Variants in COL16A1 observed in about 807,000 individuals in gnomAD.
The protein encoded by COL16A1 is collagen alpha-1(XVI) chain.
Under a neutral mutation model 266.3 loss-of-function variants are expected in COL16A1, and 189 were observed. The observed-to-expected ratio is 0.71, with a 90% confidence interval of 0.63 to 0.80. The LOEUF (loss-of-function observed/expected upper bound fraction) is 0.80, where lower values mean the gene tolerates loss of function less well. COL16A1 is among the 30% of genes least tolerant of loss of function. The pLI, the probability that COL16A1 is intolerant of heterozygous loss-of-function variation, is 0.00. For synonymous variants in COL16A1, 740 were observed against 782.3 expected (o/e 0.95, Z 0.90); for missense variants, 1,928 against 2,122.4 (o/e 0.91, Z 1.80).
chr1:31,682,215 A>G (rs919214369), intron 37 of COL16A1, among the ~76,000 whole-genome samples: 4 of 152,110 alleles, frequency 2.6e-5, no homozygotes, highest in Non-Finnish European at 5.9e-5. Flanking sequence ...GAGAAAATGC[A>G]CTTATGATTA....
Position 31,697,185 on chromosome 1 carries a change from G to A in COL16A1, c.738+35C>T, listed in dbSNP as rs760953777. On this transcript the variant is annotated intron_variant, in intron 7 of 70. Transcript: ENST00000373672. The surrounding 1 kb of genome is among the most constrained non-coding windows in gnomAD (Gnocchi z 4.2). The stretch of plus-strand genomic sequence containing the variant: ...TCCAGACCCTCATCTCCAGCACAGT[G>A]TGTCCCTGGGCAGCCCAAGGGCCGG... 1.2e-5 allele frequency: 20 copies of A among 1,613,186 alleles called. No individual in the cohort carries two copies. Among genetic ancestry groups the A allele is most frequent in the East Asian group, 2.2e-5 (1 of 44,872 alleles).
chr1:31,662,659 C>G lies in COL16A1; in HGVS notation c.3556-1G>C. 6.5e-7 allele frequency: 1 copy of G among 1,543,842 alleles called. No homozygotes were observed. The highest frequency in any genetic ancestry group is 8.7e-7 in the Non-Finnish European group (1 of 1,144,146). ...ATGGGCCTCGAATCCCTTCGCTGCC[C>G]TGGAAACCAGCGCCGCCCCCCCCCC... On this transcript the variant is annotated splice_acceptor_variant, in intron 56 of 70. Transcript: ENST00000373672. LOFTEE classifies it high-confidence loss of function.
At chr1:31,700,237 T>A (rs1644676491) in intron 2 of COL16A1, 122 bp from the exon 3 acceptor site, 1 of 892,664 alleles carries the variant, frequency 1.1e-6, no homozygotes, top group Non-Finnish European at 1.8e-6. Context: ...ATCAGCTAGA[T>A]CCTGCCTTCA....
At position 31,672,651 on chromosome 1, in the gene COL16A1, T is replaced by A; in HGVS notation, c.2977-14A>T. On this transcript the variant is annotated splice_polypyrimidine_tract_variant and intron_variant, in intron 45 of 70. Coordinates refer to ENST00000373672, the MANE Select transcript of COL16A1 (RefSeq NM_001856.4). The stretch of plus-strand genomic sequence containing the variant: ...TGACAAAAAGCACTGCAAGGGACAA[T>A]GAGAGGCACATTGTCTGATGAGGCA... 1 of 1,605,586 alleles carries A rather than the reference T, an allele frequency of 6.2e-7. No individual in the cohort carries two copies. Among genetic ancestry groups the A allele is most frequent in the Non-Finnish European group, 8.5e-7 (1 of 1,175,118 alleles).
chr1:31,660,443 C>G, intron 62 of COL16A1, 142 bp downstream of exon 62: 1 of 1,075,134 alleles, frequency 9.3e-7, no homozygotes, highest in Non-Finnish European at 1.3e-6. Flanking sequence ...CTGGAAACCA[C>G]AGAAGGAGTG....
rs1182118048 is a variant in COL16A1 at position 31,653,685 on chromosome 1, A to C, written c.4535-9T>G. 1.2e-6 allele frequency: 2 copies of C among 1,611,748 alleles called. No homozygotes were observed. The highest frequency in any genetic ancestry group is 4.5e-5 in the East Asian group (2 of 44,862). On this transcript the variant is annotated splice_polypyrimidine_tract_variant and intron_variant, in intron 69 of 70. Coordinates refer to ENST00000373672, the MANE Select transcript of COL16A1 (RefSeq NM_001856.4). ...TTTGGTACCAGGCAATCCTGGAACAAAAGAAATAAATAAGTCCTATCCCTG... is the reference window on the plus strand; with the variant it reads ...TTTGGTACCAGGCAATCCTGGAACACAAGAAATAAATAAGTCCTATCCCTG...
At position 31,656,377 on chromosome 1, in the gene COL16A1, A is replaced by C. The variant is rs1641148292; in HGVS notation, c.4101+23T>G. 3.1e-6 allele frequency: 5 copies of C among 1,613,052 alleles called. No individual in the cohort carries two copies. The highest frequency in any genetic ancestry group is 4.2e-6 in the Non-Finnish European group (5 of 1,179,660). On this transcript the variant is annotated intron_variant, in intron 66 of 70. Coordinates refer to ENST00000373672, the MANE Select transcript of COL16A1 (RefSeq NM_001856.4). This position sits in a 1 kb window ranked among gnomAD's most constrained non-coding sequence, Gnocchi z 4.2. ...CATCCACTCGTGAGCTTCTCCTCTC[A>C]AGCCCAGCCAGTGCCCACTCACCTT... is the stretch of plus-strand genomic sequence containing the variant.
At position 31,652,969 on chromosome 1, in the gene COL16A1, A is replaced by G; in HGVS notation, c.4613-116T>C. Reference sequence around the variant, plus strand: ...TGATGACTGTTTCTCAAGTTACCACATGTTTTCATGAAGACCTAGTCTGAT... The same window carrying G: ...TGATGACTGTTTCTCAAGTTACCACGTGTTTTCATGAAGACCTAGTCTGAT... On this transcript the variant is annotated intron_variant, in intron 70 of 70. Coordinates refer to ENST00000373672, the MANE Select transcript of COL16A1 (RefSeq NM_001856.4). This position sits in a 1 kb window ranked among gnomAD's most constrained non-coding sequence, Gnocchi z 4.8. The G allele has an allele frequency of 9.2e-7, 1 of 1,082,818 alleles. No individual in the cohort carries two copies. Among genetic ancestry groups the G allele is most frequent in the South Asian group, 2.5e-5 (1 of 40,080 alleles). The allele number at this position is 1,082,818 out of a possible 1,614,324, so 67.1% of individuals were successfully genotyped here.
In COL16A1 at chr1:31,662,673, C is replaced by CGGGGG; in HGVS notation, c.3556-16_3556-15insCCCCC. 5 of 1,174,516 alleles carry CGGGGG rather than the reference C, an allele frequency of 4.3e-6. No individual in the cohort carries two copies. Among genetic ancestry groups the CGGGGG allele is most frequent in the Non-Finnish European group, 6.0e-6 (5 of 836,264 alleles). 72.8% of individuals were successfully genotyped at this position (1,174,516 alleles called of 1,614,324 possible). On this transcript the variant is annotated splice_polypyrimidine_tract_variant and intron_variant, in intron 56 of 70. Coordinates refer to ENST00000373672, the MANE Select transcript of COL16A1 (RefSeq NM_001856.4). ...CCTTCGCTGCCCTGGAAACCAGCGCCGCCCCCCCCCCCCGCCCCACAATAA... is the reference window on the plus strand; with the variant it reads ...CCTTCGCTGCCCTGGAAACCAGCGCCGGGGGGCCCCCCCCCCCCGCCCCACAATAA...
chr1:31,701,504 G>A (rs1644723394), intron 2 of COL16A1: 10 of 985,274 alleles, frequency 1.0e-5, no homozygotes, highest in South Asian at 9.4e-5. Context: ...TGAGCCCAGA[G>A]GGCACCCAGC....
At chr1:31,654,972 T>C (rs1009086132) in intron 67 of COL16A1, 114 bp from the exon 68 acceptor site, 2 of 69,556 alleles carry the variant, frequency 2.9e-5, no homozygotes, top group Non-Finnish European at 5.1e-5. Flanking sequence ...CCACAGATTC[T>C]TTTTTTTTTT....
rs1341005987 is a variant in COL16A1 at position 31,670,875 on chromosome 1, A to G, written c.3151-229T>C. ...TGACGGAGATGCGGAATGGCTCCAG[A>G]GTCAGAGGGCTTCCTGAGTCTTCCG... On this transcript the variant is annotated intron_variant, in intron 48 of 70. Coordinates refer to ENST00000373672, the MANE Select transcript of COL16A1 (RefSeq NM_001856.4). The surrounding 1 kb of genome is among the most constrained non-coding windows in gnomAD (Gnocchi z 4.5). 6.6e-6 allele frequency among the ~76,000 whole-genome samples: 1 copy of G among 152,210 alleles called. No homozygotes were observed.
At chr1:31,676,753 G>T (rs4949459) in intron 42 of COL16A1, among the ~76,000 whole-genome samples, 65,949 of 152,112 alleles carry the variant, frequency 0.43, 15,940 homozygotes, top group South Asian at 0.59. Flanking sequence ...TGGAGGCAGG[G>T]AGTATGTTCC....
intron 37 of COL16A1, among the ~76,000 whole-genome samples, chr1:31,682,588 T>C (rs904614124): frequency 9.2e-5 from 14 of 152,124 alleles, no homozygotes; most frequent in Non-Finnish European, 2.1e-4. Context: ...CAGGCCTAGG[T>C]TGAAGTCCCT....
intron 20 of COL16A1, 48 bp downstream of exon 20, chr1:31,691,140 T>G (rs781337281): frequency 6.3e-7 from 1 of 1,597,582 alleles, no homozygotes; most frequent in Non-Finnish European, 8.5e-7. Context: ...TCTCTCCTCC[T>G]GTCAAGCATG....
chr1:31,660,758 G>A (rs1277292485), intron 61 of COL16A1, 120 bp from the exon 62 acceptor site: 17 of 1,429,616 alleles, frequency 1.2e-5, no homozygotes, highest in Non-Finnish European at 1.6e-5. Flanking sequence ...AAGGAGCTGG[G>A]CCAATTCCCA....
intron 19 of COL16A1, 42 bp downstream of exon 19, chr1:31,691,375 T>G (rs750032673): frequency 1.5e-5 from 24 of 1,592,090 alleles, no homozygotes; most frequent in Non-Finnish European, 2.1e-5. Flanking sequence ...GGGAGAGCGG[T>G]CTCTGAGAAA....
rs1383598696 is a variant in COL16A1 at position 31,689,853 on chromosome 1, T to C, written c.1510-2A>G. On this transcript the variant is annotated splice_acceptor_variant, in intron 22 of 70. Coordinates refer to ENST00000373672, the MANE Select transcript of COL16A1 (RefSeq NM_001856.4). LOFTEE classifies it high-confidence loss of function. ...TGGGCACACTTCACAGGGGTCACCC[T>C]AGCAGAAGGGAGAGGCAGTATGTGG... is the stretch of plus-strand genomic sequence containing the variant. 1.9e-6 allele frequency: 3 copies of C among 1,613,494 alleles called. No homozygotes were observed. The African/African-American group carries it at 4.0e-5, about 22-fold the overall frequency.
At position 31,697,154 on chromosome 1, in the gene COL16A1, T is replaced by G. The variant is rs1370488202; in HGVS notation, c.738+66A>C. Reference sequence around the variant, plus strand: ...AGACTCCTCCTAAGACCTCCAGGCATCACCTTCCAGACCCTCATCTCCAGC... The same window carrying G: ...AGACTCCTCCTAAGACCTCCAGGCAGCACCTTCCAGACCCTCATCTCCAGC... On this transcript the variant is annotated intron_variant, in intron 7 of 70. Transcript: ENST00000373672. The surrounding 1 kb of genome is among the most constrained non-coding windows in gnomAD (Gnocchi z 4.2). 1.9e-6 allele frequency: 3 copies of G among 1,612,630 alleles called. No individual in the cohort carries two copies. The highest frequency in any genetic ancestry group is 1.7e-6 in the Non-Finnish European group (2 of 1,178,994).
Sources: gnomAD v4.1 joint callset for allele counts (sites outside exome capture counted in the v4.1 genomes callset) on GRCh38, gnomAD v4.1.1 for gene constraint, Gnocchi (gnomAD v3.1) non-coding constraint, MANE v1.5 for transcripts, NCBI Gene and HGNC (gene_info 2026-07-23, HGNC 2026-07-21) for gene names.